The following SYNE2 variants were observed in gnomAD, a reference collection of about 807,000 sequenced individuals.
SYNE2 encodes spectrin repeat containing nuclear envelope protein 2, also known as nesprin-2.
In SYNE2, 431 loss-of-function variants were observed where a neutral mutation model predicts 856.3. The ratio of observed to expected loss-of-function variants is 0.50; its 90% CI spans 0.47 to 0.55. The LOEUF is 0.55. Ranked by LOEUF, SYNE2 falls within the 20% of genes least tolerant of loss-of-function variation. The pLI is 0.00. For synonymous variants in SYNE2, 2,923 were observed against 2,872.3 expected, an observed-to-expected ratio of 1.02 and a Z score of -0.56; for missense variants, 8,129 against 8,023.2, an observed-to-expected ratio of 1.01 and a Z score of -0.50.
rs1280172553 is a variant in SYNE2, at chr14:64,052,071, C to T, written c.8158C>T (p.His2720Tyr). The stretch of plus-strand genomic sequence containing the variant: ...ACAATGGGAAACATTGGAGCCATTA[C>T]ACTTAGAAGCAGAAAATCAGATTAA... ...KKQWETLEPL[H>Y]LEAENQIKKC... The change falls in exon 48 of 116, where the codon CAC becomes TAC. Residue 2720 changes from histidine (H) to tyrosine (Y), a missense_variant. This residue lies in a region of SYNE2 where 5,410 missense variants were observed against 5,284.8 expected (regional missense o/e 1.02). Transcript: ENST00000555002. 2 of 1,614,180 alleles carry T rather than the reference C, an allele frequency of 1.2e-6. No individual in the cohort carries two copies. The highest frequency in any genetic ancestry group is 8.5e-7 in the Non-Finnish European group (1 of 1,180,040).
chr14:63,998,822 C>G, intron 26 of SYNE2, 92 bp from the exon 27 acceptor site: 1 of 1,492,412 alleles, frequency 6.7e-7, no homozygotes, highest in Non-Finnish European at 9.3e-7. Context: ...CTTGGCCTCC[C>G]AAAGTGCTAG....
rs769535616 is a variant in SYNE2 at position 63,996,966 on chromosome 14, G to A, written c.2960G>A (p.Gly987Asp). Residue 987 changes from glycine (G) to aspartate (D), a missense_variant, in exon 24 of 116, where the codon GGC (glycine) becomes GAC (aspartate). Around this residue, in one of 3 missense-constraint regions of SYNE2, gnomAD observed 2,422 missense variants for 2,357.4 expected, o/e 1.03. Transcript: ENST00000555002. ...AATTAGGCCTGCTTTTCTGAGGAAG[G>A]CTGCCTGTACCAGCTTAATCACCAC... is the stretch of plus-strand genomic sequence containing the variant. ...KEHEACFSEE[G>D]CLYQLNHHME... The A allele has an allele frequency of 8.1e-6, 13 of 1,614,038 alleles. No homozygotes were observed. The South Asian group carries it at 1.2e-4, about 15-fold the overall frequency.
At chr14:63,963,776 C>T (rs547336391) in intron 9 of SYNE2, 123 bp from the exon 10 acceptor site, 1 of 696,334 alleles carries the variant, frequency 1.4e-6, no homozygotes, top group African/African-American at 1.8e-5. Context: ...TACTCTTTGG[C>T]ATAATGAATC....
At chr14:64,108,212 C>T (rs1245109220) in intron 65 of SYNE2, among the ~76,000 whole-genome samples, 7 of 152,040 alleles carry the variant, frequency 4.6e-5, no homozygotes, top group African/African-American at 7.2e-5. Flanking sequence ...ATTAGCCGGG[C>T]GTGGTGGCAC....
rs1452612335 is a variant in SYNE2, at chr14:64,065,451, T to G, written c.10232T>G (p.Ile3411Arg). 6.2e-7 allele frequency: 1 copy of G among 1,614,182 alleles called. No individual in the cohort carries two copies. Among genetic ancestry groups the G allele is most frequent in the Non-Finnish European group, 8.5e-7 (1 of 1,180,020 alleles). The part of the protein sequence containing the change: ...EQSKALVSNL[I>R]STKEELMKLR... ...CTTAAGGCCTTGGTGTCAAATCTTA[T>G]ATCAACCAAAGAAGAGTTAATGAAA... The change falls in exon 51 of 116, where the codon ATA (isoleucine) becomes AGA (arginine). Residue 3411 changes from isoleucine to arginine, a missense_variant. Ile to Arg is a moderately conservative substitution (Grantham distance 97, BLOSUM62 -3). Transcript: ENST00000555002.
In SYNE2 at chr14:63,885,069, C is replaced by T. The variant is rs12883297; in HGVS notation, c.-51-24029C>T. Among the ~76,000 whole-genome samples, 240 of 152,212 alleles carry T rather than the reference C, an allele frequency of 1.6e-3. 1 individual carries two copies. The highest frequency in any genetic ancestry group is 2.6e-3 in the Non-Finnish European group (177 of 68,022). Reference sequence around the variant, plus strand: ...CGGTGCCCAGCCTCTTGGGAGTGACCGCTTTAGCCATTGCCTCAGCTGCAG... The same window carrying T: ...CGGTGCCCAGCCTCTTGGGAGTGACTGCTTTAGCCATTGCCTCAGCTGCAG... On this transcript the variant is annotated intron_variant, in intron 1 of 115. Transcript: ENST00000555002.
chr14:63,831,582 A>ATTTTTT (rs1889671142), intron 1 of SYNE2, among the ~76,000 whole-genome samples: 1 of 102,062 alleles, frequency 9.8e-6, no homozygotes. Context: ...TTGAGATGGG[A>ATTTTTT]TCTCACTCTG....
chr14:64,074,477 C>A (rs1382087018), intron 53 of SYNE2, among the ~76,000 whole-genome samples: 1 of 152,186 alleles, frequency 6.6e-6, no homozygotes, highest in Non-Finnish European at 1.5e-5. Context: ...GACATGGCGC[C>A]TTGTCTCTGA....
chr14:64,180,334 G>C (rs890942164), intron 96 of SYNE2, among the ~76,000 whole-genome samples: 6 of 152,096 alleles, frequency 3.9e-5, no homozygotes, highest in Non-Finnish European at 7.3e-5. Flanking sequence ...CCGTAACTTT[G>C]AGGAACAGCT....
At chr14:63,798,509 T>C (rs1229273056) in intron 1 of SYNE2, among the ~76,000 whole-genome samples, 2 of 150,714 alleles carry the variant, frequency 1.3e-5, no homozygotes, top group African/African-American at 4.9e-5. Context: ...CCCTCCTGCC[T>C]CAGCCTCTCG....
chr14:64,221,175 A>C (rs1364836431), intron 111 of SYNE2, among the ~76,000 whole-genome samples: 2 of 152,146 alleles, frequency 1.3e-5, no homozygotes, highest in Admixed American at 6.5e-5. Context: ...TGAGCTCTGC[A>C]CCACTGCCTA....
At chr14:64,085,228 A>G (rs1232539232) in intron 57 of SYNE2, among the ~76,000 whole-genome samples, 1 of 152,172 alleles carries the variant, frequency 6.6e-6, no homozygotes, top group Non-Finnish European at 1.5e-5. Context: ...GCACACAACC[A>G]TGCCTGGCTA....
chr14:63,969,669 C>T (rs564798341), intron 11 of SYNE2, among the ~76,000 whole-genome samples: 1 of 151,826 alleles, frequency 6.6e-6, no homozygotes, highest in African/African-American at 2.4e-5. Flanking sequence ...GAATAGTACT[C>T]CATTGTGTAT....
chr14:64,169,415 C>T (rs2098399475), intron 93 of SYNE2, among the ~76,000 whole-genome samples: 1 of 152,224 alleles, frequency 6.6e-6, no homozygotes, highest in Admixed American at 6.5e-5. Flanking sequence ...CTCCATGCTA[C>T]ATATGTGGGC....
chr14:64,002,350 A>C (rs2096761897), intron 29 of SYNE2, among the ~76,000 whole-genome samples: 1 of 152,206 alleles, frequency 6.6e-6, no homozygotes, highest in Non-Finnish European at 1.5e-5. Context: ...TCAGTGACTG[A>C]ATTCCTAAAT....
At chr14:63,798,398 C>CTT (rs919267911) in intron 1 of SYNE2, among the ~76,000 whole-genome samples, 3 of 127,032 alleles carry the variant, frequency 2.4e-5, no homozygotes, top group Admixed American at 8.0e-5. Flanking sequence ...TTTTTTTTTT[C>CTT]TTTTTTTTTT....
rs2096625300 is a variant in SYNE2, at chr14:63,986,305, GC to G, written c.2152-148del. On this transcript the variant is annotated intron_variant, in intron 18 of 115. Coordinates refer to ENST00000555002, the MANE Select transcript of SYNE2 (RefSeq NM_182914.3). ...TGTAGAGATGAGGTCCCGCTTTGTT[GC>G]CCAGACTGGTCACAAACTCCTAGCC... is the stretch of plus-strand genomic sequence containing the variant. The G allele has an allele frequency of 7.7e-6, 6 of 781,884 alleles. No homozygotes were observed. In the East Asian group the frequency reaches 1.7e-4, roughly 22 times the overall value. The allele number at this position is 781,884 out of a possible 1,614,324, so 48.4% of individuals were successfully genotyped here.
At chr14:63,770,847 T>G (rs965357713) in intron 1 of SYNE2, among the ~76,000 whole-genome samples, 2 of 151,870 alleles carry the variant, frequency 1.3e-5, no homozygotes, top group African/African-American at 4.8e-5. Context: ...AATTTTAAAT[T>G]CATCAACCCT....
At chr14:63,903,117 G>T (rs1595539568) in intron 1 of SYNE2, among the ~76,000 whole-genome samples, 1 of 152,090 alleles carries the variant, frequency 6.6e-6, no homozygotes, top group East Asian at 1.9e-4. Flanking sequence ...TTCCTCCCTA[G>T]AAATGTCAGC....
Sources: allele counts gnomAD v4.1 joint callset (sites outside exome capture counted in the v4.1 genomes callset), GRCh38; gene constraint gnomAD v4.1.1; regional missense constraint gnomAD v4.1.1; transcripts MANE v1.5; gene names NCBI Gene and HGNC (gene_info 2026-07-23, HGNC 2026-07-21).